The following GDAP1 variants were observed in gnomAD, a reference collection of about 807,000 sequenced individuals.
The protein encoded by GDAP1 is ganglioside induced differentiation associated protein 1, also known as ganglioside-induced differentiation-associated protein 1.
GDAP1 carries 34 observed loss-of-function variants against 40.1 expected under a neutral mutation model. The ratio of observed to expected loss-of-function variants is 0.85; its 90% confidence interval spans 0.64 to 1.13. The LOEUF (loss-of-function observed/expected upper bound fraction) is 1.13, where lower values mean the gene tolerates loss of function less well. Ranked by LOEUF, GDAP1 falls within the 50% of genes most tolerant of loss-of-function variation. The pLI is 0.00. For missense variants in GDAP1, 374 were observed against 433.7 expected, an observed-to-expected ratio of 0.86 and a Z score of 1.22; for synonymous variants, 170 against 157.4, an observed-to-expected ratio of 1.08 and a Z score of -0.60.
chr8:74,353,432 A>G (rs1335306290), intron 2 of GDAP1, among the ~76,000 whole-genome samples: 2 of 152,250 alleles, frequency 1.3e-5, no homozygotes, highest in Admixed American at 6.5e-5. Context: ...AATAGTTTAT[A>G]TAAATCAAGG....
At chr8:74,417,116 C>T (rs1805793420) in intron 2 of GDAP1, among the ~76,000 whole-genome samples, 1 of 148,880 alleles carries the variant, frequency 6.7e-6, no homozygotes, top group Non-Finnish European at 1.5e-5. Context: ...AGTGGGTGCA[C>T]TTGTAAACCA....
At chr8:74,383,851 A>G (rs1311089081) in intron 2 of GDAP1, among the ~76,000 whole-genome samples, 1 of 152,124 alleles carries the variant, frequency 6.6e-6, no homozygotes, top group Non-Finnish European at 1.5e-5. Flanking sequence ...AAGGAAACAC[A>G]TACACTCACA....
At position 74,477,515 on chromosome 8, in the gene GDAP1, A is replaced by G. The variant is rs554732479; in HGVS notation, c.166-11163A>G. Among the ~76,000 whole-genome samples, 15 of 151,848 alleles carry G rather than the reference A, an allele frequency of 9.9e-5. 1 individual carries two copies. In the East Asian group the frequency reaches 2.3e-3, roughly 24 times the overall value. On this transcript the variant is annotated intron_variant, in intron 2 of 2. Transcript: ENST00000523640. Reference sequence around the variant, plus strand: ...CCTTGGGGGTTTGTGGTATAAAGTGAACTCAGTCAACTGGCTTTGTTATTG... The same window carrying G: ...CCTTGGGGGTTTGTGGTATAAAGTGGACTCAGTCAACTGGCTTTGTTATTG...
At position 74,420,840 on chromosome 8, in the gene GDAP1, G is replaced by A. The variant is rs546588694; in HGVS notation, c.166-67838G>A. On this transcript the variant is annotated intron_variant, in intron 2 of 2. Coordinates refer to the GDAP1 transcript ENST00000523640. ...TTTTTTAATGTTTCAGCAATCTAGT[G>A]GTTAATGCTTTTTATTTTATTTTAA... Among the ~76,000 whole-genome samples, 9 of 152,002 alleles carry A rather than the reference G, an allele frequency of 5.9e-5. No homozygotes were observed. The South Asian group carries it at 1.9e-3, about 32-fold the overall frequency.
At chr8:74,380,484 T>C (rs932352207) in intron 2 of GDAP1, among the ~76,000 whole-genome samples, 33 of 137,766 alleles carry the variant, frequency 2.4e-4, no homozygotes, top group African/African-American at 9.1e-4. Flanking sequence ...TTTAAAGACA[T>C]AGGTTACCCT....
intron 2 of GDAP1, among the ~76,000 whole-genome samples, chr8:74,380,490 A>G (rs1247559895): frequency 2.4e-5 from 3 of 124,026 alleles, no homozygotes; most frequent in East Asian, 4.7e-4. Context: ...GACATAGGTT[A>G]CCCTACAGAG....
Position 74,363,058 on chromosome 8 carries a change from G to T in GDAP1, c.694+5G>T. 1.6e-6 allele frequency: 2 copies of T among 1,257,986 alleles called. No homozygotes were observed. Among genetic ancestry groups the T allele is most frequent in the South Asian group, 2.4e-5 (2 of 83,836 alleles). 77.9% of individuals were successfully genotyped at this position (1,257,986 alleles called of 1,614,324 possible). ...GAAGAAATGAAGAAACCCCAGGTAG[G>T]TTCTCATTTATATTCTTTCTCTCTT... On this transcript the variant is annotated splice_donor_5th_base_variant and intron_variant, in intron 5 of 5. Coordinates refer to ENST00000220822, the MANE Select transcript of GDAP1 (RefSeq NM_018972.4).
At chr8:74,358,609 G>A (rs1809211049) in intron 2 of GDAP1, among the ~76,000 whole-genome samples, 1 of 152,160 alleles carries the variant, frequency 6.6e-6, no homozygotes, top group African/African-American at 2.4e-5. Flanking sequence ...GTTTCCTGTA[G>A]CCTCTGGAAA....
chr8:74,461,354 T>C (rs1806398616), intron 2 of GDAP1, among the ~76,000 whole-genome samples: 1 of 152,212 alleles, frequency 6.6e-6, no homozygotes, highest in Non-Finnish European at 1.5e-5. Context: ...ATGACCCTGA[T>C]TTTTGCCATT....
intron 2 of GDAP1, among the ~76,000 whole-genome samples, chr8:74,480,019 C>T (rs367621182): frequency 3.6e-4 from 51 of 140,408 alleles, no homozygotes; most frequent in Middle Eastern, 4.3e-3. Context: ...GATGGAGTCT[C>T]GCTCTGTTGC....
At chr8:74,411,104 G>C (rs1805703306) in intron 2 of GDAP1, among the ~76,000 whole-genome samples, 1 of 149,942 alleles carries the variant, frequency 6.7e-6, no homozygotes, top group Non-Finnish European at 1.5e-5. Context: ...CTGCCGCCTT[G>C]TGAAGAAAGT....
rs1472098057 is a variant in GDAP1, at chr8:74,364,126, A to T, written c.836A>T (p.Tyr279Phe). ...GGAAAGCGACCAAACTTGGAAACCTATTACGAGCGTGTCTTGAAGAGAAAA... is the reference window on the plus strand; with the variant it reads ...GGAAAGCGACCAAACTTGGAAACCTTTTACGAGCGTGTCTTGAAGAGAAAA... ...GNGKRPNLET[Y>F]YERVLKRKTF... The change falls in exon 6 of 6, where the codon TAT (tyrosine) becomes TTT (phenylalanine). Residue 279 changes from tyrosine (Y) to phenylalanine (F), a missense_variant. Transcript: ENST00000220822. The T allele has an allele frequency of 3.7e-6, 6 of 1,614,082 alleles. No homozygotes were observed. Among genetic ancestry groups the T allele is most frequent in the Non-Finnish European group, 5.1e-6 (6 of 1,180,044 alleles).
At chr8:74,414,978 A>G (rs928900990) in intron 2 of GDAP1, among the ~76,000 whole-genome samples, 1 of 150,268 alleles carries the variant, frequency 6.7e-6, no homozygotes, top group Non-Finnish European at 1.5e-5. Context: ...AACTCCAGTG[A>G]TGGTTGATTC....
intron 2 of GDAP1, among the ~76,000 whole-genome samples, chr8:74,454,856 C>A (rs1475647354): frequency 2.6e-5 from 4 of 151,124 alleles, no homozygotes; most frequent in African/African-American, 9.7e-5. Context: ...CTGGGATAGA[C>A]ATATTTGAAA....
chr8:74,417,357 C>A (rs1236520350), intron 2 of GDAP1, among the ~76,000 whole-genome samples: 1 of 149,772 alleles, frequency 6.7e-6, no homozygotes, highest in East Asian at 1.9e-4. Context: ...AAATGCTATT[C>A]AACATTATAC....
At chr8:74,363,551 C>A (rs1056452071) in intron 5 of GDAP1, among the ~76,000 whole-genome samples, 3 of 152,226 alleles carry the variant, frequency 2.0e-5, no homozygotes, top group Non-Finnish European at 4.4e-5. Flanking sequence ...TTACCTGTCA[C>A]AAAAGCTCTT....
At position 74,448,409 on chromosome 8, in the gene GDAP1, A is replaced by G. The variant is rs193036966; in HGVS notation, c.166-40269A>G. ...TGGTCTCCTGTTGACAGACATTTGG[A>G]CATTAGTTTTGGTAGTTTTGAAAGA... On this transcript the variant is annotated intron_variant, in intron 2 of 2. Coordinates refer to the GDAP1 transcript ENST00000523640. Among the ~76,000 whole-genome samples the G allele has an allele frequency of 7.9e-3, 1,205 of 152,208 alleles. 12 individuals are homozygous for G. The highest frequency in any genetic ancestry group is 0.027 in the African/African-American group (1,128 of 41,524).
In GDAP1 at chr8:74,421,335, C is replaced by G. The variant is rs1264522719; in HGVS notation, c.166-67343C>G. 2.0e-5 allele frequency among the ~76,000 whole-genome samples: 3 copies of G among 151,094 alleles called. No homozygotes were observed. The East Asian group carries it at 5.8e-4, about 29-fold the overall frequency. Reference sequence around the variant, plus strand: ...TTTTTGTAGGTTCTTTTTTTTTTCCCTATAGGGTTTATTACATGTGCTTTT... The same window carrying G: ...TTTTTGTAGGTTCTTTTTTTTTTCCGTATAGGGTTTATTACATGTGCTTTT... On this transcript the variant is annotated intron_variant, in intron 2 of 2. Transcript: ENST00000523640.
chr8:74,426,954 A>AT (rs1284384840), intron 2 of GDAP1, among the ~76,000 whole-genome samples: 1 of 152,122 alleles, frequency 6.6e-6, no homozygotes, highest in African/African-American at 2.4e-5. Context: ...TATGTGGTAG[A>AT]TTGTTATAAC....
Sources: gnomAD v4.1 joint callset for allele counts (sites outside exome capture counted in the v4.1 genomes callset) on GRCh38, gnomAD v4.1.1 for gene constraint, MANE v1.5 for transcripts, NCBI Gene and HGNC (gene_info 2026-07-23, HGNC 2026-07-21) for gene names.